Variants in GFRA2 observed in about 807,000 individuals in gnomAD.
GFRA2 encodes GDNF family receptor alpha 2, also known as GDNF family receptor alpha-2.
Under a neutral mutation model 48.3 loss-of-function variants are expected in GFRA2, and 17 were observed. That is an observed-to-expected ratio of 0.35 (90% CI 0.24 to 0.53). The LOEUF (loss-of-function observed/expected upper bound fraction) is 0.53. GFRA2 is among the 20% of genes least tolerant of loss of function. The probability of loss-of-function intolerance (pLI) is 0.93; values close to 1 mark genes in which losing one functional copy is unlikely to be tolerated. For synonymous variants in GFRA2, 305 were observed against 257.2 expected, an observed-to-expected ratio of 1.19 and a Z score of -1.78; for missense variants, 660 against 637.3, an observed-to-expected ratio of 1.04 and a Z score of -0.38.
At chr8:21,782,545 C>T in intron 2 of GFRA2, 40 bp downstream of exon 2, 2 of 1,477,660 alleles carry the variant, frequency 1.4e-6, no homozygotes, top group Non-Finnish European at 9.2e-7. Context: ...TCTGCCTGCG[C>T]CACACCCCCT....
intron 7 of GFRA2, among the ~76,000 whole-genome samples, chr8:21,701,152 T>C (rs1401779532): frequency 1.3e-5 from 2 of 152,340 alleles, no homozygotes; most frequent in East Asian, 1.9e-4. Flanking sequence ...CCCAGTACTT[T>C]GGGAGGCCGA....
At chr8:21,696,858 G>A (rs1033830374) in intron 7 of GFRA2, among the ~76,000 whole-genome samples, 1 of 147,834 alleles carries the variant, frequency 6.8e-6, no homozygotes, top group Non-Finnish European at 1.5e-5. Flanking sequence ...GGGAGAAGCA[G>A]AGAAATGGAA....
intron 4 of GFRA2, among the ~76,000 whole-genome samples, chr8:21,729,849 G>A (rs754551421): frequency 5.3e-5 from 8 of 152,016 alleles, no homozygotes; most frequent in African/African-American, 1.7e-4. Flanking sequence ...ACCACATCCC[G>A]CCCTGACCTG....
intron 3 of GFRA2, among the ~76,000 whole-genome samples, chr8:21,767,600 C>T (rs946489714): frequency 9.9e-5 from 15 of 152,228 alleles, no homozygotes; most frequent in African/African-American, 3.6e-4. Context: ...AAGAGCAGCA[C>T]AGAGCAGGGG....
chr8:21,775,162 C>A, intron 2 of GFRA2, 107 bp from the exon 3 acceptor site: 1 of 685,848 alleles, frequency 1.5e-6, no homozygotes, highest in South Asian at 1.7e-5. Context: ...AAGCTCGTGC[C>A]ACCCAAAGGA....
chr8:21,695,044 G>A (rs1432278639), intron 7 of GFRA2, among the ~76,000 whole-genome samples: 7 of 152,218 alleles, frequency 4.6e-5, no homozygotes, highest in Admixed American at 2.0e-4. Flanking sequence ...GGGGAAGAGA[G>A]GCATGATTGA....
rs535573494 is a variant in GFRA2 at position 21,694,476 on chromosome 8, C to G, written c.1260G>C (p.Met420Ile). ...LKANNSKELSMCFTELTTNII... is the reference protein window; with the variant it reads ...LKANNSKELSICFTELTTNII... The stretch of plus-strand genomic sequence containing the variant: ...GCCCCCAACTCACCTCTGTGAAGCA[C>G]ATGCTTAACTCTTTGGAGTTGTTGG... The change falls in exon 8 of 9, where the codon ATG (methionine) becomes ATC (isoleucine). Residue 420 changes from methionine (M) to isoleucine (I), a missense_variant. Physicochemically the swap from Met to Ile is conservative, Grantham distance 10. Coordinates refer to ENST00000524240, the MANE Select transcript of GFRA2 (RefSeq NM_001495.5). The G allele has an allele frequency of 4.3e-6, 7 of 1,612,316 alleles. No homozygotes were observed. The highest frequency in any genetic ancestry group is 5.1e-6 in the Non-Finnish European group (6 of 1,179,558).
chr8:21,736,900 G>A (rs1455244363), intron 4 of GFRA2, among the ~76,000 whole-genome samples: 2 of 131,436 alleles, frequency 1.5e-5, no homozygotes, highest in African/African-American at 2.8e-5. Flanking sequence ...AGAAGGAAAG[G>A]AAGAAATGAG....
chr8:21,727,501 T>C (rs889399713), intron 4 of GFRA2, among the ~76,000 whole-genome samples: 1 of 152,134 alleles, frequency 6.6e-6, no homozygotes, highest in African/African-American at 2.4e-5. Context: ...GGCTTGAGCC[T>C]CAGCGCTCCA....
intron 4 of GFRA2, among the ~76,000 whole-genome samples, chr8:21,746,699 C>T (rs1805022437): frequency 1.3e-5 from 2 of 151,880 alleles, no homozygotes; most frequent in African/African-American, 4.8e-5. Context: ...CTGACCCTCC[C>T]AATACTTAGC....
chr8:21,781,620 A>G (rs7008137), intron 2 of GFRA2, among the ~76,000 whole-genome samples: 80,854 of 151,714 alleles, frequency 0.53, 24,384 homozygotes, highest in African/African-American at 0.82. Context: ...CAGCACTTAC[A>G]CCATCAAATG....
At chr8:21,706,322 C>T in intron 4 of GFRA2, 1 of 567,522 alleles carries the variant, frequency 1.8e-6, no homozygotes, top group South Asian at 1.5e-5. Flanking sequence ...ACAGAAACAG[C>T]CTGCTCTAAA....
In GFRA2 at chr8:21,749,844, A is replaced by G. The variant is rs189936927; in HGVS notation, c.794+744T>C. 5.9e-3 allele frequency among the ~76,000 whole-genome samples: 889 copies of G among 151,920 alleles called. 8 individuals carry two copies. The highest frequency in any genetic ancestry group is 0.02 in the African/African-American group (810 of 41,436). On this transcript the variant is annotated intron_variant, in intron 4 of 8. Coordinates refer to ENST00000524240, the MANE Select transcript of GFRA2 (RefSeq NM_001495.5). ...GTTTACAAAATTTTCCTGACCTTCC[A>G]TCCCTTCACCTATAAAATAGGAGTA...
intron 4 of GFRA2, among the ~76,000 whole-genome samples, chr8:21,708,210 TTA>T (rs1286160958): frequency 1.3e-5 from 2 of 152,218 alleles, no homozygotes; most frequent in Non-Finnish European, 2.9e-5. Context: ...AAATCTGCAG[TTA>T]TCCCTGCCTT....
intron 7 of GFRA2, among the ~76,000 whole-genome samples, chr8:21,702,573 C>T (rs1451605122): frequency 1.3e-5 from 2 of 152,206 alleles, no homozygotes; most frequent in Non-Finnish European, 2.9e-5. Context: ...GTTCTTCAGA[C>T]CCTATAGCCT....
rs536855380 is a variant in GFRA2, at chr8:21,764,641, C to T, written c.439+10331G>A. Among the ~76,000 whole-genome samples, 4 of 152,364 alleles carry T rather than the reference C, an allele frequency of 2.6e-5. No homozygotes were observed. In the South Asian group the frequency reaches 8.3e-4, roughly 32 times the overall value. Reference sequence around the variant, plus strand: ...GCCAAAGGCTGCCCTGCCATGCGTGCTGGTGCACGCCACATGGACCCCATC... The same window carrying T: ...GCCAAAGGCTGCCCTGCCATGCGTGTTGGTGCACGCCACATGGACCCCATC... On this transcript the variant is annotated intron_variant, in intron 3 of 8. Coordinates refer to ENST00000524240, the MANE Select transcript of GFRA2 (RefSeq NM_001495.5).
At chr8:21,777,113 A>T (rs1384609614) in intron 2 of GFRA2, among the ~76,000 whole-genome samples, 1 of 152,212 alleles carries the variant, frequency 6.6e-6, no homozygotes, top group East Asian at 1.9e-4. Flanking sequence ...AACAAGGAGC[A>T]CAGAGACATT....
In GFRA2 at chr8:21,704,396, T is replaced by G. The variant is rs138392923; in HGVS notation, c.1045+589A>C. ...TCTCAGTCTACCTCCGTCAGGCACC[T>G]CCTCGATGACTTGGATCCCTGAATC... On this transcript the variant is annotated intron_variant, in intron 6 of 8. Transcript: ENST00000524240. 4.8e-3 allele frequency among the ~76,000 whole-genome samples: 734 copies of G among 152,234 alleles called. 3 individuals carry two copies. The highest frequency in any genetic ancestry group is 0.016 in the African/African-American group (675 of 41,524).
intron 2 of GFRA2, among the ~76,000 whole-genome samples, chr8:21,801,828 G>T (rs1049431270): frequency 5.3e-5 from 8 of 152,136 alleles, no homozygotes; most frequent in Non-Finnish European, 8.8e-5. Context: ...CGCAGCCCTC[G>T]CCAAACTGTC....
Sources: gnomAD v4.1 joint callset for allele counts (sites outside exome capture counted in the v4.1 genomes callset) on GRCh38, gnomAD v4.1.1 for gene constraint, MANE v1.5 for transcripts, NCBI Gene and HGNC (gene_info 2026-07-23, HGNC 2026-07-21) for gene names.